LARGE1: variants seen among roughly 807,000 people sequenced by gnomAD.
The protein encoded by LARGE1 is LARGE xylosyl- and glucuronyltransferase 1.
A neutral mutation model predicts 87.6 loss-of-function variants in LARGE1; 43 were observed. The ratio of observed to expected loss-of-function variants is 0.49; its 90% confidence interval spans 0.38 to 0.63. The LOEUF is 0.63. LARGE1 is among the 30% of genes least tolerant of loss of function. LARGE1 has a pLI of 0.00. For missense variants in LARGE1, 802 were observed against 1,000.2 expected (o/e 0.80, Z 2.67); for synonymous variants, 434 against 394.6 (o/e 1.10, Z -1.18).
chr22:33,777,318 G>A (rs957946172), intron 1 of LARGE1, among the ~76,000 whole-genome samples: 5 of 152,134 alleles, frequency 3.3e-5, no homozygotes, highest in East Asian at 3.9e-4. Flanking sequence ...CGAGATTTCC[G>A]AGCAGGAATG....
intron 2 of LARGE1, among the ~76,000 whole-genome samples, chr22:33,754,258 C>T (rs1009530695): frequency 5.9e-5 from 9 of 152,168 alleles, no homozygotes; most frequent in African/African-American, 1.2e-4. Flanking sequence ...GAGCAGCCCA[C>T]TTGCATGCTC....
At chr22:33,748,904 A>G (rs2084204516) in intron 2 of LARGE1, among the ~76,000 whole-genome samples, 2 of 152,308 alleles carry the variant, frequency 1.3e-5, no homozygotes, top group South Asian at 4.1e-4. Context: ...GAGCTTCGTT[A>G]TATCACAGTT....
intron 6 of LARGE1, among the ~76,000 whole-genome samples, chr22:33,456,077 G>A (rs2068119703): frequency 6.6e-6 from 1 of 152,168 alleles, no homozygotes; most frequent in Non-Finnish European, 1.5e-5. Context: ...AGCTGGCTGA[G>A]CAATTACTAC....
At chr22:33,412,011 C>T (rs571816019) in intron 7 of LARGE1, among the ~76,000 whole-genome samples, 14 of 152,288 alleles carry the variant, frequency 9.2e-5, no homozygotes, top group Non-Finnish European at 1.3e-4. Context: ...TGGCCGGGCA[C>T]GGTGGCTCAC....
chr22:33,785,649 A>T (rs2085618175), intron 1 of LARGE1, among the ~76,000 whole-genome samples: 1 of 152,018 alleles, frequency 6.6e-6, no homozygotes, highest in Non-Finnish European at 1.5e-5. Flanking sequence ...CTGGAGGGGA[A>T]AAAAAACATA....
At chr22:33,789,125 G>A (rs768210019) in intron 1 of LARGE1, among the ~76,000 whole-genome samples, 135 of 152,160 alleles carry the variant, frequency 8.9e-4, no homozygotes, top group Non-Finnish European at 6.0e-4. Context: ...AAATGGTTTC[G>A]TGGGTCAGGC....
intron 6 of LARGE1, among the ~76,000 whole-genome samples, chr22:33,466,693 TACACAC>T (rs536654371): frequency 6.9e-6 from 1 of 145,248 alleles, no homozygotes; most frequent in African/African-American, 2.6e-5. Context: ...TCTCTCTCTC[TACACAC>T]ACACACACAC....
intron 1 of LARGE1, among the ~76,000 whole-genome samples, chr22:33,852,879 AG>A (rs144777138): frequency 0.47 from 21,188 of 44,900 alleles, 3,547 homozygotes; most frequent in Non-Finnish European, 0.51. Flanking sequence ...AAAAAAAAAA[AG>A]AAAGAAAGAA....
intron 1 of LARGE1, among the ~76,000 whole-genome samples, chr22:33,791,193 T>G (rs998788553): frequency 6.6e-6 from 1 of 152,222 alleles, no homozygotes; most frequent in Non-Finnish European, 1.5e-5. Context: ...TGCTGTACAC[T>G]GGAAAGGCTG....
At chr22:33,244,918 T>C (rs1926687329) in intron 11 of LARGE1, among the ~76,000 whole-genome samples, 2 of 151,834 alleles carry the variant, frequency 1.3e-5, no homozygotes, top group Non-Finnish European at 2.9e-5. Flanking sequence ...CCCCACCAAG[T>C]CTTCATACAA....
At chr22:33,558,813 C>G (rs1317360870) in intron 6 of LARGE1, among the ~76,000 whole-genome samples, 1 of 152,196 alleles carries the variant, frequency 6.6e-6, no homozygotes, top group African/African-American at 2.4e-5. Context: ...AGCTTTTCTA[C>G]ATTATTGTAC....
At chr22:33,773,551 T>C (rs1461575772) in intron 1 of LARGE1, among the ~76,000 whole-genome samples, 3 of 152,180 alleles carry the variant, frequency 2.0e-5, no homozygotes, top group African/African-American at 7.2e-5. Context: ...TCAAGACACA[T>C]TAGTTGTCAC....
chr22:33,359,375 G>T (rs2064297537), intron 9 of LARGE1, among the ~76,000 whole-genome samples: 1 of 152,016 alleles, frequency 6.6e-6, no homozygotes, highest in Non-Finnish European at 1.5e-5. Context: ...GATTTACCTT[G>T]TGAGACTTGG....
intron 1 of LARGE1, among the ~76,000 whole-genome samples, chr22:33,848,800 T>C (rs1463261790): frequency 6.6e-6 from 1 of 152,226 alleles, no homozygotes; most frequent in Admixed American, 6.5e-5. Context: ...GTCAGGTCCT[T>C]GATCTGTCCC....
At chr22:33,656,606 A>C (rs1360673471) in intron 2 of LARGE1, among the ~76,000 whole-genome samples, 2 of 152,104 alleles carry the variant, frequency 1.3e-5, no homozygotes, top group East Asian at 1.9e-4. Flanking sequence ...AAGTGCCTTT[A>C]CCTTTGTTTC....
At chr22:33,753,510 C>T (rs1431698363) in intron 2 of LARGE1, among the ~76,000 whole-genome samples, 1 of 152,114 alleles carries the variant, frequency 6.6e-6, no homozygotes, top group African/African-American at 2.4e-5. Context: ...GAGCTTCTGA[C>T]CTCTGGAACT....
chr22:33,418,941 G>A lies in LARGE1; in HGVS notation c.892+13220C>T, dbSNP rs546484046. ...CCAGAGGGCATGGAGGGAAGAAAGCGAGGGCACTTGGGGTCTGAACACCTG... is the reference window on the plus strand; with the variant it reads ...CCAGAGGGCATGGAGGGAAGAAAGCAAGGGCACTTGGGGTCTGAACACCTG... On this transcript the variant is annotated intron_variant, in intron 7 of 14. Coordinates refer to ENST00000397394, the MANE Select transcript of LARGE1 (RefSeq NM_133642.5). Among the ~76,000 whole-genome samples, 40 of 152,122 alleles carry A rather than the reference G, an allele frequency of 2.6e-4. No individual in the cohort carries two copies. The South Asian group carries it at 6.0e-3, about 23-fold the overall frequency.
At chr22:33,895,641 C>G (rs1262483893) in intron 1 of LARGE1, among the ~76,000 whole-genome samples, 1 of 152,218 alleles carries the variant, frequency 6.6e-6, no homozygotes, top group Non-Finnish European at 1.5e-5. Context: ...CTCCTCAAAG[C>G]CACCCACAGT....
chr22:33,236,966 G>T (rs5998824), intron 11 of LARGE1, among the ~76,000 whole-genome samples: 9,716 of 152,310 alleles, frequency 0.064, 1,008 homozygotes, highest in African/African-American at 0.22. Context: ...TGTCAAGTAA[G>T]ACAGTGGATG....
Sources: allele counts gnomAD v4.1 joint callset (sites outside exome capture counted in the v4.1 genomes callset), GRCh38; gene constraint gnomAD v4.1.1; transcripts MANE v1.5; gene names NCBI Gene and HGNC (gene_info 2026-07-23, HGNC 2026-07-21).